Variants in PIGK observed in about 807,000 individuals in gnomAD.
The protein encoded by PIGK is phosphatidylinositol glycan anchor biosynthesis class K.
In PIGK, 42 loss-of-function variants were observed where a neutral mutation model predicts 50.6. The observed-to-expected ratio is 0.83, with a 90% CI of 0.65 to 1.07. The LOEUF is 1.07. Among genes scored for constraint, PIGK ranks in the 50% least tolerant of loss-of-function variants. The pLI, the probability that PIGK is intolerant of heterozygous loss-of-function variation, is 0.00. For missense variants in PIGK, 448 were observed against 488.7 expected (o/e 0.92, Z 0.78); for synonymous variants, 151 against 156.0 (o/e 0.97, Z 0.24).
At position 77,219,325 on chromosome 1, in the gene PIGK, G is replaced by A; in HGVS notation, c.78C>T (p.Ala26=). 1.2e-6 allele frequency: 2 copies of A among 1,613,588 alleles called. No homozygotes were observed. The highest frequency in any genetic ancestry group is 1.3e-5 in the African/African-American group (1 of 75,040). ...TGACTCCTACCTCGATATGACTAGC[G>A]GCCACGCTGCCGAAGGACAAGAGCA... ...TVLLLSFGSV[A]ASHIEDQAEQ... is the part of the protein sequence containing the mutation. The change falls in exon 1 of 11, where the codon GCC becomes GCT. Residue 26 remains alanine (A), a synonymous_variant. Transcript: ENST00000370812.
intron 10 of PIGK, among the ~76,000 whole-genome samples, chr1:77,115,192 T>C (rs1338445391): frequency 6.6e-6 from 1 of 152,174 alleles, no homozygotes; most frequent in African/African-American, 2.4e-5. Flanking sequence ...ACAATCCATG[T>C]CATATAATGT....
chr1:77,105,108 T>C (rs374411811), intron 10 of PIGK, among the ~76,000 whole-genome samples: 10 of 152,126 alleles, frequency 6.6e-5, no homozygotes, highest in Non-Finnish European at 1.0e-4. Flanking sequence ...GAGAATGTTA[T>C]TGAGCAATGA....
intron 3 of PIGK, among the ~76,000 whole-genome samples, chr1:77,181,772 A>G (rs1421910910): frequency 1.3e-5 from 2 of 152,188 alleles, no homozygotes; most frequent in Non-Finnish European, 2.9e-5. Context: ...TTCTACAGCA[A>G]TGTAATTAGG....
chr1:77,195,383 C>T (rs555458947), intron 3 of PIGK: 27 of 1,199,322 alleles, frequency 2.3e-5, no homozygotes, highest in East Asian at 1.7e-4. Context: ...TACATCAGCA[C>T]GCAGAGTGCT....
At chr1:77,097,641 T>C (rs1026713944) in intron 10 of PIGK, among the ~76,000 whole-genome samples, 9 of 152,178 alleles carry the variant, frequency 5.9e-5, no homozygotes, top group African/African-American at 2.2e-4. Flanking sequence ...ACATTATTAG[T>C]TAACATTACT....
chr1:77,156,357 C>T (rs1349178261), intron 8 of PIGK, among the ~76,000 whole-genome samples: 2 of 152,158 alleles, frequency 1.3e-5, no homozygotes, highest in Non-Finnish European at 2.9e-5. Context: ...TGAAGTCACT[C>T]CTTTCTTTTA....
Position 77,164,651 on chromosome 1 carries a change from C to A in PIGK, c.488-709G>T, listed in dbSNP as rs180752468. Among the ~76,000 whole-genome samples, 666 of 152,122 alleles carry A rather than the reference C, an allele frequency of 4.4e-3. 4 individuals are homozygous for A. Among genetic ancestry groups the A allele is most frequent in the African/African-American group, 0.016 (644 of 41,494 alleles). On this transcript the variant is annotated intron_variant, in intron 5 of 10. Coordinates refer to ENST00000370812, the MANE Select transcript of PIGK (RefSeq NM_005482.3). ...CTTTGTGGGAGAAAAAAGTATCCCT[C>A]CCTTCCATTAGAATACAACCCTGTG...
At chr1:77,099,150 TAATC>T (rs2100509850) in intron 10 of PIGK, among the ~76,000 whole-genome samples, 2 of 152,248 alleles carry the variant, frequency 1.3e-5, no homozygotes, top group South Asian at 4.1e-4. Context: ...ATCCACATAT[TAATC>T]AATAAAAATA....
At chr1:77,163,772 A>C in intron 6 of PIGK, 74 bp downstream of exon 6, 2 of 788,012 alleles carry the variant, frequency 2.5e-6, no homozygotes, top group Non-Finnish European at 4.1e-6. Context: ...TAAAAAATAA[A>C]AATTACAAAT....
chr1:77,123,655 T>C (rs72681895), intron 9 of PIGK, among the ~76,000 whole-genome samples: 5,649 of 152,014 alleles, frequency 0.037, 203 homozygotes, highest in South Asian at 0.2. Flanking sequence ...GGGGAGTAAT[T>C]GTTTAACAGA....
intron 9 of PIGK, among the ~76,000 whole-genome samples, chr1:77,140,182 G>A (rs1020459872): frequency 6.6e-6 from 1 of 152,064 alleles, no homozygotes; most frequent in Non-Finnish European, 1.5e-5. Context: ...TCACCATAGT[G>A]AGTGAGTTCC....
intron 3 of PIGK, among the ~76,000 whole-genome samples, chr1:77,202,108 C>A (rs1656183431): frequency 6.6e-6 from 1 of 151,344 alleles, no homozygotes. Flanking sequence ...ACTGTTAGCT[C>A]AGTGGGGGTT....
chr1:77,212,751 G>A (rs575525205), intron 1 of PIGK, among the ~76,000 whole-genome samples: 1 of 152,190 alleles, frequency 6.6e-6, no homozygotes, highest in South Asian at 2.1e-4. Context: ...TTCAGCAAGA[G>A]AGCATACAAT....
At chr1:77,094,701 A>C (rs1002445230) in intron 10 of PIGK, among the ~76,000 whole-genome samples, 1 of 152,138 alleles carries the variant, frequency 6.6e-6, no homozygotes, top group Non-Finnish European at 1.5e-5. Context: ...CTATGGAAAA[A>C]ATAGCATCTT....
intron 6 of PIGK, 82 bp from the exon 7 acceptor site, chr1:77,161,793 G>A: frequency 5.5e-6 from 4 of 721,554 alleles, no homozygotes; most frequent in Non-Finnish European, 1.0e-5. Context: ...TTTGTAAGAT[G>A]TTTAAATCAT....
At chr1:77,205,721 A>C (rs771000740) in intron 3 of PIGK, among the ~76,000 whole-genome samples, 12 of 152,184 alleles carry the variant, frequency 7.9e-5, no homozygotes, top group Non-Finnish European at 1.3e-4. Flanking sequence ...TAAATAAATC[A>C]AACCTAAATA....
intron 9 of PIGK, among the ~76,000 whole-genome samples, chr1:77,129,833 T>A (rs1654327405): frequency 6.6e-6 from 1 of 152,122 alleles, no homozygotes; most frequent in South Asian, 2.1e-4. Flanking sequence ...GTTATGTACA[T>A]TTTAAATTTT....
At chr1:77,204,976 G>A (rs1656256837) in intron 3 of PIGK, among the ~76,000 whole-genome samples, 1 of 152,144 alleles carries the variant, frequency 6.6e-6, no homozygotes, top group Admixed American at 6.6e-5. Context: ...CATAAACACA[G>A]TTATAGATAA....
At chr1:77,103,870 G>T (rs1053396993) in intron 10 of PIGK, among the ~76,000 whole-genome samples, 3 of 151,916 alleles carry the variant, frequency 2.0e-5, no homozygotes, top group African/African-American at 7.3e-5. Context: ...TGGTAGAAGG[G>T]AAAAAAATAT....
Sources: allele counts gnomAD v4.1 joint callset (sites outside exome capture counted in the v4.1 genomes callset), GRCh38; gene constraint gnomAD v4.1.1; transcripts MANE v1.5; gene names NCBI Gene and HGNC (gene_info 2026-07-23, HGNC 2026-07-21).